BRWD3: variants seen among roughly 807,000 people sequenced by gnomAD.
The protein encoded by BRWD3 is bromodomain and WD repeat-containing protein 3.
BRWD3 carries 10 observed loss-of-function variants against 149.7 expected under a neutral mutation model. The ratio of observed to expected loss-of-function variants is 0.07; its 90% CI spans 0.04 to 0.11. The LOEUF (loss-of-function observed/expected upper bound fraction) is 0.11. Among genes scored for constraint, BRWD3 ranks in the 10% least tolerant of loss-of-function variants. BRWD3 has a pLI of 1.00. For missense variants in BRWD3, 940 were observed against 1,373.2 expected, an observed-to-expected ratio of 0.68 and a Z score of 4.99; for synonymous variants, 504 against 456.7, an observed-to-expected ratio of 1.10 and a Z score of -1.32.
chrX:80,733,538 G>T (rs2073363656), intron 11 of BRWD3, 42 bp from the exon 12 acceptor site: 1 of 1,051,014 alleles, frequency 9.5e-7, no homozygotes, highest in Non-Finnish European at 1.3e-6. Context: ...GGACTTATTT[G>T]TAAAATGAAT....
intron 6 of BRWD3, among the ~76,000 whole-genome samples, chrX:80,747,469 A>G: frequency 9.5e-6 from 1 of 105,372 alleles, no homozygotes; most frequent in Non-Finnish European, 1.9e-5. Context: ...CACTGCTTGC[A>G]GTATAAAAGC....
At chrX:80,716,374 T>C (rs1184268994) in intron 19 of BRWD3, 124 bp from the exon 20 acceptor site, 1 of 536,540 alleles carries the variant, frequency 1.9e-6, no homozygotes, top group Non-Finnish European at 3.1e-6. Context: ...AAGCATATAA[T>C]TCAGTGGCAT....
rs1204009468 is a variant in BRWD3 at position 80,809,759 on chromosome X, A to AAGAGAGAG, written c.-296_-289dup. On this transcript the variant is annotated 5_prime_UTR_variant, in exon 1 of 41. Transcript: ENST00000373275. The stretch of plus-strand genomic sequence containing the variant: ...AGAAGAGAGAGAGAGAGAGAGGAAA[A>AAGAGAGAG]AGAGAGAGAGAGAGAGAGAGAGAGA... The AAGAGAGAG allele has an allele frequency of 0.015, 291 of 19,220 alleles. 57 individuals are homozygous for AAGAGAGAG. The highest frequency in any genetic ancestry group is 0.019 in the Non-Finnish European group (196 of 10,361). The allele number at this position is 19,220 out of a possible 1,213,427, so 1.6% of individuals were successfully genotyped here.
rs2072358061 is a variant in BRWD3, at chrX:80,675,712, G to C, written c.*897C>G. On this transcript the variant is annotated 3_prime_UTR_variant, in exon 41 of 41. Coordinates refer to ENST00000373275, the MANE Select transcript of BRWD3 (RefSeq NM_153252.5). ...GGTAGCTGAGCTACTGTTCAAAGAA[G>C]TTGTTCTTTGTGGATGAGGATTTTT... The C allele has an allele frequency of 9.0e-6, 1 of 111,603 alleles. No homozygotes were observed. The highest frequency in any genetic ancestry group is 3.3e-5 in the African/African-American group (1 of 30,717). 9.2% of individuals were successfully genotyped at this position (111,603 alleles called of 1,213,427 possible). A position where few individuals can be genotyped will look rare whatever the true frequency, so the allele number is the denominator to read the frequency against.
intron 6 of BRWD3, among the ~76,000 whole-genome samples, chrX:80,760,135 T>G (rs2073787757): frequency 8.9e-6 from 1 of 112,256 alleles, no homozygotes; most frequent in South Asian, 3.6e-4. Flanking sequence ...GTAAGTATTC[T>G]GCTGAACCCT....
rs1166658315 is a variant in BRWD3, at chrX:80,745,600, G to A, written c.560C>T (p.Ala187Val). 3 of 1,208,005 alleles carry A rather than the reference G, an allele frequency of 2.5e-6. No homozygotes were observed. The highest frequency in any genetic ancestry group is 1.8e-5 in the African/African-American group (1 of 56,989). Residue 187 changes from alanine (A) to valine (V), a missense_variant, in exon 7 of 41, where the codon GCA becomes GTA. Transcript: ENST00000373275. ...LGHLSSVYCV[A>V]FDRSGRRIFT... The stretch of plus-strand genomic sequence containing the variant: ...AATTCTTCTCCCGCTTCGGTCAAAT[G>A]CTACACAGTAGACAGATGACAAGTG...
chrX:80,769,187 A>G (rs1277493634), intron 6 of BRWD3, among the ~76,000 whole-genome samples: 1 of 111,126 alleles, frequency 9.0e-6, no homozygotes, highest in South Asian at 3.8e-4. Context: ...GATCAATGAG[A>G]CAGAAGGTTA....
intron 40 of BRWD3, among the ~76,000 whole-genome samples, chrX:80,677,609 G>A (rs1358266274): frequency 9.0e-6 from 1 of 111,047 alleles, no homozygotes; most frequent in African/African-American, 3.3e-5. Context: ...AAGTTTTAAG[G>A]GCCTACTTCA....
At chrX:80,678,184 T>A (rs1439403541) in intron 40 of BRWD3, among the ~76,000 whole-genome samples, 4 of 112,414 alleles carry the variant, frequency 3.6e-5, no homozygotes, top group African/African-American at 1.3e-4. Flanking sequence ...AGGTAAGACA[T>A]GACAAAGGAT....
At chrX:80,703,686 G>T in intron 23 of BRWD3, 93 bp from the exon 24 acceptor site, 7 of 622,792 alleles carry the variant, frequency 1.1e-5, no homozygotes, top group Non-Finnish European at 1.5e-5. Flanking sequence ...AGTAGGTAGA[G>T]AAGATTAAAA....
intron 36 of BRWD3, among the ~76,000 whole-genome samples, 162 bp downstream of exon 36, chrX:80,685,300 A>C (rs2072505841): frequency 8.9e-6 from 1 of 112,274 alleles, no homozygotes; most frequent in African/African-American, 3.2e-5. Context: ...ATGTTGATTC[A>C]GAAAGAGGAA....
chrX:80,755,585 TG>T (rs1476481295), intron 6 of BRWD3, among the ~76,000 whole-genome samples: 1 of 111,746 alleles, frequency 8.9e-6, no homozygotes, highest in African/African-American at 3.2e-5. Context: ...GCAATATACT[TG>T]AAGAGCCATG....
In BRWD3 at chrX:80,674,570, C is replaced by G. The variant is rs774847109; in HGVS notation, c.*2039G>C. On this transcript the variant is annotated 3_prime_UTR_variant, in exon 41 of 41. Transcript: ENST00000373275. ...TCTAAATGCCCAAGAGATAAATAAC[C>G]GAAACAGCACATTTTAGCAAAAATC... is the stretch of plus-strand genomic sequence containing the variant. 1 of 111,126 alleles carries G rather than the reference C, an allele frequency of 9.0e-6. No homozygotes were observed. The allele number at this position is 111,126 out of a possible 1,213,427, so 9.2% of individuals were successfully genotyped here.
chrX:80,727,318 C>T (rs62605576), intron 14 of BRWD3, among the ~76,000 whole-genome samples: 57 of 111,175 alleles, frequency 5.1e-4, no homozygotes, highest in Non-Finnish European at 8.3e-4. Flanking sequence ...CATGTCATTC[C>T]TTTGCTTTAA....
At chrX:80,687,696 C>G (rs144840583) in intron 34 of BRWD3, among the ~76,000 whole-genome samples, 8 of 110,424 alleles carry the variant, frequency 7.2e-5, no homozygotes, top group Middle Eastern at 9.5e-3. Context: ...TTCTGGGAAT[C>G]TGGAATCTTA....
intron 6 of BRWD3, 60 bp from the exon 7 acceptor site, chrX:80,745,789 G>C (rs756775207): frequency 9.6e-7 from 1 of 1,038,507 alleles, no homozygotes; most frequent in Non-Finnish European, 1.3e-6. Context: ...ATGAAATTAA[G>C]TCATAAATAT....
chrX:80,773,169 G>A (rs1302705221), intron 6 of BRWD3, among the ~76,000 whole-genome samples: 4 of 111,558 alleles, frequency 3.6e-5, no homozygotes, highest in Non-Finnish European at 5.6e-5. Context: ...CTGTGTTAGT[G>A]GATACGCAAG....
intron 18 of BRWD3, 77 bp downstream of exon 18, chrX:80,719,412 T>A (rs1171577585): frequency 6.4e-5 from 60 of 937,372 alleles, no homozygotes; most frequent in Non-Finnish European, 8.4e-5. Flanking sequence ...GTAAAATATT[T>A]TCCATGTAAT....
At chrX:80,730,723 A>G (rs2073318698) in intron 12 of BRWD3, among the ~76,000 whole-genome samples, 1 of 112,007 alleles carries the variant, frequency 8.9e-6, no homozygotes, top group Admixed American at 9.5e-5. Context: ...ATTCACCCAT[A>G]CTTCTGTCAC....
Sources: gnomAD v4.1 joint callset for allele counts (sites outside exome capture counted in the v4.1 genomes callset) on GRCh38, gnomAD v4.1.1 for gene constraint, MANE v1.5 for transcripts, NCBI Gene and HGNC (gene_info 2026-07-23, HGNC 2026-07-21) for gene names.